Variants in GLIS3 observed in about 807,000 individuals in gnomAD.
GLIS3 encodes zinc finger protein GLIS3.
GLIS3 carries 53 observed loss-of-function variants against 78.6 expected under a neutral mutation model. The observed-to-expected ratio is 0.67, with a 90% confidence interval of 0.54 to 0.85. GLIS3 has a LOEUF of 0.85. Ranked by LOEUF, GLIS3 falls within the 40% of genes least tolerant of loss-of-function variation. The pLI is 0.00. For missense variants in GLIS3, 1,703 were observed against 1,231.1 expected (o/e 1.38, Z -5.74); for synonymous variants, 684 against 509.9 (o/e 1.34, Z -4.60).
At chr9:4,275,142 G>A (rs1826866568) in intron 2 of GLIS3, among the ~76,000 whole-genome samples, 2 of 152,158 alleles carry the variant, frequency 1.3e-5, no homozygotes, top group Admixed American at 1.3e-4. Context: ...ATGGAAAGGT[G>A]CTTATGCATA....
At chr9:4,052,021 G>A (rs186324886) in intron 4 of GLIS3, among the ~76,000 whole-genome samples, 1 of 152,060 alleles carries the variant, frequency 6.6e-6, no homozygotes, top group Non-Finnish European at 1.5e-5. Flanking sequence ...GAGAGGCCCG[G>A]GTATAAAACA....
At chr9:3,989,286 A>G (rs1380647564) in intron 4 of GLIS3, among the ~76,000 whole-genome samples, 1 of 152,220 alleles carries the variant, frequency 6.6e-6, no homozygotes, top group African/African-American at 2.4e-5. Context: ...TGGATCACTC[A>G]TACATTGCTG....
rs200494639 is a variant in GLIS3, at chr9:4,056,865, G to GTAC, written c.1710+60902_1710+60903insGTA. On this transcript the variant is annotated intron_variant, in intron 4 of 10. Transcript: ENST00000381971. Reference sequence around the variant, plus strand: ...TAATTGCCCAAATAAGATCATCTTTGGGTAATAGAAAAAGCTGCTCCTCTT... The same window carrying GTAC: ...TAATTGCCCAAATAAGATCATCTTTGTACGGTAATAGAAAAAGCTGCTCCTCTT... Among the ~76,000 whole-genome samples, 14 of 149,604 alleles carry GTAC rather than the reference G, an allele frequency of 9.4e-5. No individual in the cohort carries two copies. In the East Asian group the frequency reaches 2.5e-3, roughly 27 times the overall value.
At chr9:4,320,978 C>A (rs1434237996) in intron 2 of GLIS3, among the ~76,000 whole-genome samples, 1 of 151,992 alleles carries the variant, frequency 6.6e-6, no homozygotes, top group Non-Finnish European at 1.5e-5. Context: ...ATACAAAGAA[C>A]GTTGCTTGAG....
intron 4 of GLIS3, among the ~76,000 whole-genome samples, chr9:4,085,889 T>C (rs942457227): frequency 2.6e-5 from 4 of 152,210 alleles, no homozygotes; most frequent in Admixed American, 2.0e-4. Context: ...CTATGCTTCC[T>C]GTAAAGCCTG....
chr9:3,889,992 G>T (rs1225219309), intron 7 of GLIS3, among the ~76,000 whole-genome samples: 1 of 152,122 alleles, frequency 6.6e-6, no homozygotes, highest in Non-Finnish European at 1.5e-5. Context: ...CAACAGTCAA[G>T]AACAGTTTTT....
chr9:4,067,218 A>C lies in GLIS3; in HGVS notation c.1710+50550T>G, dbSNP rs536964312. ...TTAATACTTTATATTAAAATTCTTT[A>C]TATTACTTTAAAGTATAATAGAAAG... On this transcript the variant is annotated intron_variant, in intron 4 of 10. Transcript: ENST00000381971. 2.0e-5 allele frequency among the ~76,000 whole-genome samples: 3 copies of C among 151,756 alleles called. No individual in the cohort carries two copies. The East Asian group carries it at 5.8e-4, about 29-fold the overall frequency.
At chr9:4,445,832 C>T in the GLIS3 span, among the ~76,000 whole-genome samples, 130 of 152,200 alleles carry the variant, frequency 8.5e-4, 1 homozygote, top group Middle Eastern at 0.02. Context: ...TGCTGGCTGC[C>T]AGTTGAGGAA....
At chr9:4,041,269 C>T (rs1252614847) in intron 4 of GLIS3, among the ~76,000 whole-genome samples, 1 of 152,158 alleles carries the variant, frequency 6.6e-6, no homozygotes, top group Admixed American at 6.6e-5. Flanking sequence ...AAGTTTGCTA[C>T]CGGCCTCTAT....
chr9:4,194,268 C>G lies in GLIS3; in HGVS notation c.389-68327G>C, dbSNP rs967882436. Among the ~76,000 whole-genome samples the G allele has an allele frequency of 2.6e-5, 4 of 152,238 alleles. No homozygotes were observed. The East Asian group carries it at 7.8e-4, about 30-fold the overall frequency. Reference sequence around the variant, plus strand: ...AGAGACGGGGTTTCACCATGTTGCCCAGGCTGGTCTCAAACTCCTGAGCTC... The same window carrying G: ...AGAGACGGGGTTTCACCATGTTGCCGAGGCTGGTCTCAAACTCCTGAGCTC... On this transcript the variant is annotated intron_variant, in intron 2 of 10. Transcript: ENST00000381971.
the GLIS3 span, among the ~76,000 whole-genome samples, chr9:4,454,279 A>C: frequency 6.6e-6 from 1 of 152,128 alleles, no homozygotes; most frequent in Non-Finnish European, 1.5e-5. Flanking sequence ...TACTAGGATT[A>C]CAGGCATGAG....
chr9:4,024,833 G>C (rs1823187640), intron 4 of GLIS3, among the ~76,000 whole-genome samples: 1 of 152,122 alleles, frequency 6.6e-6, no homozygotes, highest in Admixed American at 6.6e-5. Context: ...GACCAATTTA[G>C]ATCTGTGATT....
At chr9:3,879,342 A>C in intron 8 of GLIS3, 85 bp downstream of exon 8, 4 of 1,338,492 alleles carry the variant, frequency 3.0e-6, no homozygotes, top group Non-Finnish European at 4.3e-6. Context: ...GATTATTAAT[A>C]AAATTCAGCA....
intron 2 of GLIS3, among the ~76,000 whole-genome samples, chr9:4,140,946 G>A (rs186335901): frequency 2.6e-4 from 39 of 152,190 alleles, no homozygotes; most frequent in East Asian, 1.4e-3. Context: ...TTATCGGCGC[G>A]TGCCACCACG....
At chr9:3,855,758 T>C (rs188388551) in intron 9 of GLIS3, 249 of 490,882 alleles carry the variant, frequency 5.1e-4, no homozygotes, top group African/African-American at 4.3e-3. Context: ...GTTAGAGCCC[T>C]GGCCAATGAA....
chr9:3,855,280 T>C (rs1016252387), intron 9 of GLIS3, among the ~76,000 whole-genome samples: 2 of 152,214 alleles, frequency 1.3e-5, no homozygotes, highest in Non-Finnish European at 1.5e-5. Context: ...ATTTAGACAA[T>C]CATTACCATT....
At chr9:4,306,526 T>C (rs1464657114) in intron 4 of GLIS3, among the ~76,000 whole-genome samples, 3 of 152,240 alleles carry the variant, frequency 2.0e-5, no homozygotes, top group Non-Finnish European at 4.4e-5. Context: ...GGTTAACAAA[T>C]GTTGCCCCAG....
intron 4 of GLIS3, among the ~76,000 whole-genome samples, chr9:3,967,011 C>CAGA (rs1817993447): frequency 3.4e-5 from 1 of 29,598 alleles, no homozygotes. Context: ...TTTCTTTCTG[C>CAGA]AAAAAAAAAA....
At chr9:4,084,511 G>A (rs568883842) in intron 4 of GLIS3, among the ~76,000 whole-genome samples, 1 of 152,142 alleles carries the variant, frequency 6.6e-6, no homozygotes, top group Non-Finnish European at 1.5e-5. Context: ...AGACGAGGAG[G>A]AGCAGCTGGG....
Sources: allele counts gnomAD v4.1 joint callset (sites outside exome capture counted in the v4.1 genomes callset), GRCh38; gene constraint gnomAD v4.1.1; transcripts MANE v1.5; gene names NCBI Gene and HGNC (gene_info 2026-07-23, HGNC 2026-07-21).